The following CNTNAP4 variants were observed in gnomAD, a reference collection of about 807,000 sequenced individuals.
The protein encoded by CNTNAP4 is contactin-associated protein-like 4.
In CNTNAP4, 98 loss-of-function variants were observed where a neutral mutation model predicts 148.4. The ratio of observed to expected loss-of-function variants is 0.66; its 90% CI spans 0.56 to 0.78. The LOEUF (loss-of-function observed/expected upper bound fraction) is 0.78. CNTNAP4 is among the 30% of genes least tolerant of loss of function. The pLI is 0.00. For synonymous variants in CNTNAP4, 730 were observed against 565.1 expected, an observed-to-expected ratio of 1.29 and a Z score of -4.14; for missense variants, 1,935 against 1,565.6, an observed-to-expected ratio of 1.24 and a Z score of -3.98.
chr16:76,525,236 C>G (rs1597061272), intron 17 of CNTNAP4, among the ~76,000 whole-genome samples: 1 of 151,272 alleles, frequency 6.6e-6, no homozygotes, highest in East Asian at 1.9e-4. Flanking sequence ...GTGAAAGACA[C>G]ATTATAATTG....
intron 1 of CNTNAP4, among the ~76,000 whole-genome samples, chr16:76,298,908 T>A (rs1959624656): frequency 1.3e-5 from 2 of 152,134 alleles, no homozygotes; most frequent in Non-Finnish European, 2.9e-5. Flanking sequence ...TTGTATTAAA[T>A]CAGTTCCTCT....
At chr16:76,551,570 C>G (rs1371556604) in intron 21 of CNTNAP4, among the ~76,000 whole-genome samples, 1 of 151,964 alleles carries the variant, frequency 6.6e-6, no homozygotes, top group Non-Finnish European at 1.5e-5. Flanking sequence ...ACAAAAGAAG[C>G]TCATAATTTG....
chr16:76,440,938 G>T (rs2080014563), intron 4 of CNTNAP4, among the ~76,000 whole-genome samples: 1 of 152,112 alleles, frequency 6.6e-6, no homozygotes, highest in African/African-American at 2.4e-5. Context: ...GTGGGGAGAA[G>T]ATACCAGGAA....
At chr16:76,284,557 G>T (rs1467948376) in intron 1 of CNTNAP4, among the ~76,000 whole-genome samples, 2 of 151,862 alleles carry the variant, frequency 1.3e-5, no homozygotes, top group African/African-American at 2.4e-5. Context: ...TAAAAACAGG[G>T]TTTAAAATCT....
intron 2 of CNTNAP4, among the ~76,000 whole-genome samples, chr16:76,345,176 A>G (rs906138011): frequency 6.6e-6 from 1 of 152,096 alleles, no homozygotes; most frequent in Non-Finnish European, 1.5e-5. Context: ...CTTTTGGCTA[A>G]TGGATGCAGC....
intron 16 of CNTNAP4, among the ~76,000 whole-genome samples, 186 bp downstream of exon 16, chr16:76,521,496 A>G (rs2083452655): frequency 6.6e-6 from 1 of 152,206 alleles, no homozygotes; most frequent in Non-Finnish European, 1.5e-5. Flanking sequence ...AACATGTGAT[A>G]ATTTGGGGAA....
At chr16:76,411,225 G>T (rs2078780594) in intron 3 of CNTNAP4, among the ~76,000 whole-genome samples, 1 of 151,290 alleles carries the variant, frequency 6.6e-6, no homozygotes, top group Admixed American at 6.6e-5. Context: ...AATCTGCTTA[G>T]AAATGTTGGT....
At chr16:76,431,145 AAGTTGC>A (rs1285733391) in intron 4 of CNTNAP4, among the ~76,000 whole-genome samples, 8 of 152,164 alleles carry the variant, frequency 5.3e-5, no homozygotes, top group Non-Finnish European at 1.2e-4. Context: ...TTTTGAAACA[AAGTTGC>A]AGATATTTTC....
At chr16:76,415,662 C>A (rs2078946886) in intron 3 of CNTNAP4, among the ~76,000 whole-genome samples, 1 of 150,870 alleles carries the variant, frequency 6.6e-6, no homozygotes, top group African/African-American at 2.4e-5. Flanking sequence ...AAAGAGGAAT[C>A]AGAATGTATC....
intron 11 of CNTNAP4, among the ~76,000 whole-genome samples, chr16:76,478,828 G>T (rs1299279385): frequency 6.6e-6 from 1 of 152,060 alleles, no homozygotes; most frequent in Non-Finnish European, 1.5e-5. Flanking sequence ...ATGGAGCATT[G>T]GTGGGAGTTT....
chr16:76,500,646 G>T (rs1480494011), intron 15 of CNTNAP4, among the ~76,000 whole-genome samples: 3 of 151,068 alleles, frequency 2.0e-5, no homozygotes, highest in South Asian at 2.1e-4. Context: ...GTGTGTGTCT[G>T]TGTGCATTTA....
At chr16:76,371,000 A>T (rs28623643) in intron 3 of CNTNAP4, among the ~76,000 whole-genome samples, 3,806 of 152,234 alleles carry the variant, frequency 0.025, 130 homozygotes, top group African/African-American at 0.085. Flanking sequence ...TCCTGAAAGA[A>T]GGGAATCCAT....
chr16:76,440,684 C>A (rs2080001398), intron 4 of CNTNAP4, among the ~76,000 whole-genome samples: 1 of 152,064 alleles, frequency 6.6e-6, no homozygotes, highest in Admixed American at 6.6e-5. Flanking sequence ...GGTTAGAATT[C>A]CAGAGATTCT....
chr16:76,480,071 A>G (rs1428193991), intron 12 of CNTNAP4, among the ~76,000 whole-genome samples: 2 of 152,126 alleles, frequency 1.3e-5, no homozygotes, highest in Non-Finnish European at 2.9e-5. Flanking sequence ...AGCTTTTCCC[A>G]TTACCGGCTT....
At chr16:76,520,987 C>T (rs2083429988) in intron 15 of CNTNAP4, among the ~76,000 whole-genome samples, 153 bp from the exon 16 acceptor site, 1 of 151,920 alleles carries the variant, frequency 6.6e-6, no homozygotes, top group African/African-American at 2.4e-5. Flanking sequence ...ATCTTGTATA[C>T]TACATAGTTG....
chr16:76,419,024 C>T (rs1363979583), intron 3 of CNTNAP4, among the ~76,000 whole-genome samples: 1 of 151,886 alleles, frequency 6.6e-6, no homozygotes, highest in Non-Finnish European at 1.5e-5. Flanking sequence ...CACTGGACTC[C>T]TGTTGTGTGG....
In CNTNAP4 at chr16:76,553,746, C is replaced by T. The variant is rs1291766787; in HGVS notation, c.3662-90C>T. On this transcript the variant is annotated intron_variant, in intron 22 of 23. Transcript: ENST00000611870. ...AGATCCCACATTCGCCTCCATAATT[C>T]TCTGTGGTTTAAAACATTTATGATG... 8 of 814,042 alleles carry T rather than the reference C, an allele frequency of 9.8e-6. No individual in the cohort carries two copies. In the Admixed American group the frequency reaches 1.9e-4, roughly 20 times the overall value. The allele number at this position is 814,042 out of a possible 1,614,324, so 50.4% of individuals were successfully genotyped here.
intron 15 of CNTNAP4, among the ~76,000 whole-genome samples, chr16:76,517,898 G>T (rs1429387319): frequency 6.6e-6 from 1 of 151,872 alleles, no homozygotes; most frequent in African/African-American, 2.4e-5. Flanking sequence ...TTTTAAAAAA[G>T]GAATTCTATA....
rs5817999 is a variant in CNTNAP4 at position 76,496,085 on chromosome 16, T to TTGTG, written c.2237+1038_2237+1041dup. On this transcript the variant is annotated intron_variant, in intron 14 of 23. Transcript: ENST00000611870. ...TTATATCATAAACATCAAGATTATG[T>TTGTG]TGTGTGTGTGTGTGTGTGTGTGCGT... 1.5e-3 allele frequency among the ~76,000 whole-genome samples: 208 copies of TTGTG among 140,158 alleles called. 1 individual carries two copies. Among genetic ancestry groups the TTGTG allele is most frequent in the African/African-American group, 4.4e-3 (173 of 39,556 alleles). 91.9% of individuals were successfully genotyped at this position (140,158 alleles called of 152,430 possible). A position where few individuals can be genotyped will look rare whatever the true frequency, so the allele number is the denominator to read the frequency against.
Sources: gnomAD v4.1 joint callset for allele counts (sites outside exome capture counted in the v4.1 genomes callset) on GRCh38, gnomAD v4.1.1 for gene constraint, MANE v1.5 for transcripts, NCBI Gene and HGNC (gene_info 2026-07-23, HGNC 2026-07-21) for gene names.